Variants in PRKN observed in about 807,000 individuals in gnomAD.
PRKN encodes the protein E3 ubiquitin-protein ligase parkin.
Under a neutral mutation model 59.5 loss-of-function variants are expected in PRKN, and 56 were observed. The observed-to-expected ratio is 0.94, with a 90% confidence interval of 0.76 to 1.18. The LOEUF (loss-of-function observed/expected upper bound fraction) is 1.18, where lower values mean the gene tolerates loss of function less well. Among genes scored for constraint, PRKN ranks in the 50% most tolerant of loss-of-function variants. PRKN has a pLI of 0.00. For synonymous variants in PRKN, 250 were observed against 222.1 expected, an observed-to-expected ratio of 1.13 and a Z score of -1.12; for missense variants, 657 against 596.4, an observed-to-expected ratio of 1.10 and a Z score of -1.06.
chr6:161,861,292 GA>G, intron 6 of PRKN, among the ~76,000 whole-genome samples: 1 of 152,182 alleles, frequency 6.6e-6, no homozygotes, highest in East Asian at 1.9e-4. Context: ...GATGAAACTG[GA>G]AAGCCATCAT....
intron 9 of PRKN, among the ~76,000 whole-genome samples, chr6:161,476,827 G>A (rs981444491): frequency 1.6e-4 from 25 of 152,346 alleles, no homozygotes; most frequent in Non-Finnish European, 2.8e-4. Context: ...GTGCTTTGCT[G>A]TCTCGCATCC....
chr6:162,223,656 C>T (rs763182048), intron 3 of PRKN, among the ~76,000 whole-genome samples: 6 of 93,482 alleles, frequency 6.4e-5, no homozygotes, highest in Admixed American at 2.2e-4. Flanking sequence ...CACACACACA[C>T]ACACAAACAT....
At chr6:161,927,066 G>A (rs937362451) in intron 6 of PRKN, among the ~76,000 whole-genome samples, 15 of 151,866 alleles carry the variant, frequency 9.9e-5, no homozygotes, top group Admixed American at 6.6e-5. Context: ...TAGATACTTC[G>A]TGTGTGTGGG....
chr6:161,438,451 C>A (rs955240737), intron 9 of PRKN, among the ~76,000 whole-genome samples: 2 of 151,912 alleles, frequency 1.3e-5, no homozygotes, highest in African/African-American at 2.4e-5. Context: ...CTCTTGACCT[C>A]GTAATCCGCC....
intron 7 of PRKN, among the ~76,000 whole-genome samples, chr6:161,762,005 G>A (rs1028574161): frequency 4.6e-5 from 7 of 152,194 alleles, no homozygotes; most frequent in Admixed American, 3.3e-4. Flanking sequence ...GCTACAGAGC[G>A]AGAGTGGGCA....
chr6:162,402,769 C>T (rs952582811), intron 2 of PRKN, among the ~76,000 whole-genome samples: 5 of 151,556 alleles, frequency 3.3e-5, no homozygotes, highest in African/African-American at 1.2e-4. Flanking sequence ...CTCAAGTGAT[C>T]TTCCTGCCTC....
At chr6:162,366,494 A>G (rs914318132) in intron 2 of PRKN, among the ~76,000 whole-genome samples, 1 of 152,230 alleles carries the variant, frequency 6.6e-6, no homozygotes, top group African/African-American at 2.4e-5. Flanking sequence ...AAACACAGAA[A>G]AGAAAATAAA....
intron 7 of PRKN, among the ~76,000 whole-genome samples, chr6:161,708,334 T>C (rs1786594718): frequency 6.6e-6 from 1 of 152,152 alleles, no homozygotes; most frequent in African/African-American, 2.4e-5. Context: ...TATGGAATTA[T>C]AAAACTTTAA....
chr6:161,646,679 T>C (rs1199591618), intron 7 of PRKN, among the ~76,000 whole-genome samples: 1 of 152,124 alleles, frequency 6.6e-6, no homozygotes, highest in East Asian at 1.9e-4. Context: ...GCTCATTGTA[T>C]GGATGGGTGG....
intron 7 of PRKN, among the ~76,000 whole-genome samples, chr6:161,698,784 C>A (rs1786128038): frequency 6.6e-6 from 1 of 152,112 alleles, no homozygotes. Context: ...TTGATTCCCA[C>A]TGATTTGCAC....
At chr6:162,262,979 C>T (rs1460814543) in intron 2 of PRKN, among the ~76,000 whole-genome samples, 5 of 151,954 alleles carry the variant, frequency 3.3e-5, no homozygotes, top group African/African-American at 9.7e-5. Flanking sequence ...TTTGGGAATA[C>T]GTGAAACACA....
intron 1 of PRKN, among the ~76,000 whole-genome samples, chr6:162,598,581 G>A (rs540407076): frequency 3.5e-4 from 53 of 152,126 alleles, no homozygotes; most frequent in Non-Finnish European, 6.3e-4. Context: ...GGCTGGGCAC[G>A]GTGGCTCAAG....
At chr6:162,517,007 G>T (rs569217141) in intron 1 of PRKN, among the ~76,000 whole-genome samples, 1 of 152,166 alleles carries the variant, frequency 6.6e-6, no homozygotes, top group Non-Finnish European at 1.5e-5. Flanking sequence ...TCCTATGGTG[G>T]AAATGCAGTG....
rs551420157 is a variant in PRKN at position 161,748,022 on chromosome 6, T to C, written c.871+37750A>G. ...TTCGGTGGCATTTGAGTCAGGTGTA[T>C]TACACAGCTTTGAGATCTTGGCTTC... On this transcript the variant is annotated intron_variant, in intron 7 of 11. Coordinates refer to ENST00000366898, the MANE Select transcript of PRKN (RefSeq NM_004562.3). Among the ~76,000 whole-genome samples the C allele has an allele frequency of 2.6e-5, 4 of 152,308 alleles. No individual in the cohort carries two copies. The South Asian group carries it at 8.3e-4, about 32-fold the overall frequency.
chr6:162,369,438 G>A (rs924253425), intron 2 of PRKN, among the ~76,000 whole-genome samples: 2 of 152,112 alleles, frequency 1.3e-5, no homozygotes, highest in Non-Finnish European at 2.9e-5. Flanking sequence ...CATCAGGTGT[G>A]ACTCTTACTA....
intron 6 of PRKN, among the ~76,000 whole-genome samples, chr6:161,837,802 T>C (rs907950763): frequency 2.6e-5 from 4 of 152,210 alleles, no homozygotes; most frequent in African/African-American, 9.6e-5. Context: ...CCAATTAACA[T>C]CTGTAATTTG....
intron 1 of PRKN, among the ~76,000 whole-genome samples, chr6:162,484,774 T>C (rs1792467570): frequency 6.6e-6 from 1 of 152,218 alleles, no homozygotes; most frequent in Admixed American, 6.5e-5. Flanking sequence ...GTTCATCATG[T>C]TTGCTCATTT....
At chr6:161,903,060 G>A (rs1170161666) in intron 6 of PRKN, among the ~76,000 whole-genome samples, 1 of 152,188 alleles carries the variant, frequency 6.6e-6, no homozygotes, top group Non-Finnish European at 1.5e-5. Flanking sequence ...ACCTTCAGGG[G>A]AACTGTTCAT....
At chr6:161,647,533 T>G (rs10945765) in intron 7 of PRKN, among the ~76,000 whole-genome samples, 75,983 of 151,910 alleles carry the variant, frequency 0.5, 21,918 homozygotes, top group African/African-American at 0.81. Flanking sequence ...AGCACAAACT[T>G]CCTGTGTTTA....
Sources: allele counts gnomAD v4.1 joint callset (sites outside exome capture counted in the v4.1 genomes callset), GRCh38; gene constraint gnomAD v4.1.1; transcripts MANE v1.5; gene names NCBI Gene and HGNC (gene_info 2026-07-23, HGNC 2026-07-21).